PPP2R3C: variants seen among roughly 807,000 people sequenced by gnomAD.
PPP2R3C encodes the protein protein phosphatase 2 regulatory subunit B''gamma.
In PPP2R3C, 47 loss-of-function variants were observed where a neutral mutation model predicts 63.7. The observed-to-expected ratio is 0.74, with a 90% CI of 0.58 to 0.94. The LOEUF is 0.94. Ranked by LOEUF, PPP2R3C falls within the 40% of genes least tolerant of loss-of-function variation. PPP2R3C has a pLI of 0.00. For synonymous variants in PPP2R3C, 180 were observed against 177.4 expected (o/e 1.01, Z -0.12); for missense variants, 421 against 518.4 (o/e 0.81, Z 1.82).
chr14:35,105,141 G>A (rs1434146921), intron 6 of PPP2R3C, among the ~76,000 whole-genome samples: 3 of 151,068 alleles, frequency 2.0e-5, no homozygotes, highest in Non-Finnish European at 4.4e-5. Flanking sequence ...GTTTTTCAGT[G>A]ATTTTTAAAT....
intron 12 of PPP2R3C, 113 bp downstream of exon 12, chr14:35,087,833 AAAAGC>A: frequency 1.3e-6 from 1 of 786,408 alleles, no homozygotes; most frequent in Admixed American, 2.3e-5. Context: ...GTTCAGAACA[AAAAGC>A]AAACACTTGA....
chr14:35,112,814 C>T (rs1423034169), intron 2 of PPP2R3C: 4 of 152,214 alleles, frequency 2.6e-5, no homozygotes, highest in Admixed American at 1.3e-4. Context: ...AAACCTTGGT[C>T]GCTACAGCCT....
At chr14:35,119,071 T>C (rs2046786170) in intron 1 of PPP2R3C, among the ~76,000 whole-genome samples, 1 of 150,182 alleles carries the variant, frequency 6.7e-6, no homozygotes, top group South Asian at 2.1e-4. Flanking sequence ...GTAGTCTCGT[T>C]CTATCGCCCA....
At chr14:35,093,991 G>A (rs1021620425) in intron 10 of PPP2R3C, among the ~76,000 whole-genome samples, 2 of 152,104 alleles carry the variant, frequency 1.3e-5, no homozygotes, top group African/African-American at 4.8e-5. Context: ...TCCTTCTCAA[G>A]TATTTTGCAT....
At position 35,110,592 on chromosome 14, in the gene PPP2R3C, CTT is replaced by C. The variant is rs1040371199; in HGVS notation, c.222_223del (p.Glu76GlyfsTer17). ...TAGAAAGACAGCTCTTGATTCCTCT[CTT>C]AATTTCTGTAGTAAGACTTCATCTT... On this transcript the variant is annotated frameshift_variant, in exon 3 of 13. Transcript: ENST00000261475. LOFTEE classifies it high-confidence loss of function. The C allele has an allele frequency of 9.9e-6, 16 of 1,612,078 alleles. No homozygotes were observed. The highest frequency in any genetic ancestry group is 4.0e-5 in the African/African-American group (3 of 74,858).
At position 35,116,595 on chromosome 14, in the gene PPP2R3C, T is replaced by C. The variant is rs1225111726; in HGVS notation, c.186+15A>G. 3 of 1,553,360 alleles carry C rather than the reference T, an allele frequency of 1.9e-6. No individual in the cohort carries two copies. The highest frequency in any genetic ancestry group is 2.0e-5 in the Admixed American group (1 of 49,170). On this transcript the variant is annotated intron_variant, in intron 2 of 12. Coordinates refer to ENST00000261475, the MANE Select transcript of PPP2R3C (RefSeq NM_017917.4). ...TTTTTAAACTCTGCAGGACATTTGATTAGACACTACTTACCCTATAATAAA... is the reference window on the plus strand; with the variant it reads ...TTTTTAAACTCTGCAGGACATTTGACTAGACACTACTTACCCTATAATAAA...
rs189108505 is a variant in PPP2R3C at position 35,105,537 on chromosome 14, A to G, written c.573+1767T>C. 1.4e-3 allele frequency among the ~76,000 whole-genome samples: 217 copies of G among 152,206 alleles called. 1 individual carries two copies. Among genetic ancestry groups the G allele is most frequent in the Middle Eastern group, 6.8e-3 (2 of 294 alleles). ...AAAGAATCTAAAAAGGAATTTGTAT[A>G]GTCAATATACATTAAACATTTGTTT... is the stretch of plus-strand genomic sequence containing the variant. On this transcript the variant is annotated intron_variant, in intron 6 of 12. Coordinates refer to ENST00000261475, the MANE Select transcript of PPP2R3C (RefSeq NM_017917.4).
chr14:35,120,864 T>C (rs2046858571), intron 1 of PPP2R3C, among the ~76,000 whole-genome samples: 1 of 152,038 alleles, frequency 6.6e-6, no homozygotes, highest in African/African-American at 2.4e-5. Context: ...GAAGATCCCT[T>C]GAGCCCAGGA....
chr14:35,089,726 C>T (rs186390190), intron 11 of PPP2R3C, among the ~76,000 whole-genome samples: 24 of 152,030 alleles, frequency 1.6e-4, no homozygotes, highest in East Asian at 3.9e-4. Context: ...AGTGCAGTGG[C>T]GCAATCTCGG....
chr14:35,096,419 G>T, intron 9 of PPP2R3C, 139 bp downstream of exon 9: 1 of 811,066 alleles, frequency 1.2e-6, no homozygotes, highest in Non-Finnish European at 2.0e-6. Context: ...GTAAATTTTG[G>T]TAATGTAGAA....
At chr14:35,094,305 T>C (rs2045925263) in intron 10 of PPP2R3C, among the ~76,000 whole-genome samples, 1 of 152,098 alleles carries the variant, frequency 6.6e-6, no homozygotes, top group African/African-American at 2.4e-5. Flanking sequence ...CGAGTAGCTA[T>C]ACTACAGGCA....
intron 6 of PPP2R3C, among the ~76,000 whole-genome samples, 173 bp downstream of exon 6, chr14:35,107,131 T>C (rs1214980960): frequency 6.6e-6 from 1 of 152,232 alleles, no homozygotes; most frequent in African/African-American, 2.4e-5. Context: ...AAGTTGAAAG[T>C]GTACAAGTTG....
intron 7 of PPP2R3C, chr14:35,098,947 A>T (rs2046096475): frequency 5.2e-6 from 1 of 193,728 alleles, no homozygotes; most frequent in Non-Finnish European, 1.0e-5. Context: ...CTGGCTTCCT[A>T]GAACTGGAAG....
intron 12 of PPP2R3C, 96 bp downstream of exon 12, chr14:35,087,855 T>C (rs1020501128): frequency 1.7e-5 from 16 of 922,750 alleles, no homozygotes; most frequent in Admixed American, 1.2e-4. Context: ...TTGATTCAAA[T>C]AGTACTTCAT....
chr14:35,121,695 GT>G (rs1322626552), intron 1 of PPP2R3C, among the ~76,000 whole-genome samples: 1 of 152,158 alleles, frequency 6.6e-6, no homozygotes, highest in South Asian at 2.1e-4. Flanking sequence ...CTAAAGCTAA[GT>G]TTTTCGTTCC....
intron 6 of PPP2R3C, 111 bp downstream of exon 6, chr14:35,107,193 T>TA (rs2046390738): frequency 1.3e-6 from 1 of 765,730 alleles, no homozygotes; most frequent in Non-Finnish European, 2.1e-6. Context: ...CAGACAGAAA[T>TA]AAAACAAAGT....
At chr14:35,116,776 C>T (rs2046723004) in intron 1 of PPP2R3C, 39 bp from the exon 2 acceptor site, 23 of 1,486,920 alleles carry the variant, frequency 1.5e-5, no homozygotes, top group Non-Finnish European at 2.1e-5. Context: ...CTTTTAAAAT[C>T]AAGCAGTACT....
chr14:35,107,244 TAC>T (rs1270082946), intron 6 of PPP2R3C, 58 bp downstream of exon 6: 24 of 1,304,188 alleles, frequency 1.8e-5, no homozygotes, highest in East Asian at 4.6e-5. Context: ...CAGTGATAAC[TAC>T]AGTTTACATT....
intron 1 of PPP2R3C, among the ~76,000 whole-genome samples, 163 bp from the exon 2 acceptor site, chr14:35,116,900 C>A (rs1284938475): frequency 6.6e-6 from 1 of 152,184 alleles, no homozygotes; most frequent in Admixed American, 6.6e-5. Context: ...TTCTGAAATA[C>A]CAAGAATCAC....
Sources: allele counts gnomAD v4.1 joint callset (sites outside exome capture counted in the v4.1 genomes callset), GRCh38; gene constraint gnomAD v4.1.1; transcripts MANE v1.5; gene names NCBI Gene and HGNC (gene_info 2026-07-23, HGNC 2026-07-21).